HIBCH: variants seen among roughly 807,000 people sequenced by gnomAD.
HIBCH encodes 3-hydroxyisobutyryl-CoA hydrolase.
Under a neutral mutation model 58.2 loss-of-function variants are expected in HIBCH, and 50 were observed. That is an observed-to-expected ratio of 0.86 (90% CI 0.68 to 1.09). The LOEUF (loss-of-function observed/expected upper bound fraction) is 1.09. Among genes scored for constraint, HIBCH ranks in the 50% least tolerant of loss-of-function variants. The pLI, the probability that HIBCH is intolerant of heterozygous loss-of-function variation, is 0.00. For missense variants in HIBCH, 450 were observed against 449.7 expected (o/e 1.00, Z -0.01); for synonymous variants, 151 against 146.9 (o/e 1.03, Z -0.20).
chr2:190,244,685 C>A (rs1190594914), intron 11 of HIBCH, among the ~76,000 whole-genome samples: 1 of 152,154 alleles, frequency 6.6e-6, no homozygotes, highest in African/African-American at 2.4e-5. Flanking sequence ...TTGCCCTCAA[C>A]GACCAGCAGG....
At chr2:190,218,745 TTGCATGTTGGCTC>T (rs1286567820) in intron 11 of HIBCH, among the ~76,000 whole-genome samples, 1 of 152,218 alleles carries the variant, frequency 6.6e-6, no homozygotes, top group East Asian at 1.9e-4. Flanking sequence ...GAGGAATGCA[TTGCATGTTGGCTC>T]TATACCAGGA....
At chr2:190,261,368 T>C (rs763360131) in intron 6 of HIBCH, 134 bp from the exon 7 acceptor site, 12 of 675,640 alleles carry the variant, frequency 1.8e-5, no homozygotes, top group Non-Finnish European at 2.1e-5. Context: ...CTTCAGGGAA[T>C]AGGTTGTCCC....
At chr2:190,203,883 T>C (rs1482442351), downstream of HIBCH, 3 of 152,142 alleles carry the variant, frequency 2.0e-5, no homozygotes, top group Non-Finnish European at 4.4e-5. Context: ...GAAGTTCACT[T>C]AGTTTCTAAA....
At position 190,284,656 on chromosome 2, in the gene HIBCH, TTGTG is replaced by T. The variant is rs3842557; in HGVS notation, c.438+2926_438+2929del. ...TCTCAACCCATTGACTTCTGTCACA[TTGTG>T]TAACAGAGAAATCTGAAGAAATCTG... is the stretch of plus-strand genomic sequence containing the variant. On this transcript the variant is annotated intron_variant, in intron 6 of 13. Coordinates refer to ENST00000359678, the MANE Select transcript of HIBCH (RefSeq NM_014362.4). 2.0e-3 allele frequency among the ~76,000 whole-genome samples: 312 copies of T among 152,352 alleles called. 4 individuals are homozygous for T. The highest frequency in any genetic ancestry group is 0.019 in the East Asian group (97 of 5,190).
At chr2:190,245,003 T>G (rs1559030898) in intron 10 of HIBCH, 35 bp from the exon 11 acceptor site, 1 of 1,267,890 alleles carries the variant, frequency 7.9e-7, no homozygotes, top group Admixed American at 1.7e-5. Context: ...CACCAATGTG[T>G]AAGTGATTTC....
At chr2:190,290,067 C>T (rs539441998) in intron 5 of HIBCH, among the ~76,000 whole-genome samples, 27 of 152,140 alleles carry the variant, frequency 1.8e-4, no homozygotes, top group African/African-American at 4.6e-4. Flanking sequence ...TTAGTAGAGA[C>T]GGGGTTTCAG....
At chr2:190,253,568 T>A (rs949070604) in intron 7 of HIBCH, among the ~76,000 whole-genome samples, 1 of 152,084 alleles carries the variant, frequency 6.6e-6, no homozygotes, top group Non-Finnish European at 1.5e-5. Flanking sequence ...TCTCGCACCA[T>A]CCCCTTAATC....
At chr2:190,274,308 T>C (rs1687488454) in intron 6 of HIBCH, among the ~76,000 whole-genome samples, 1 of 152,248 alleles carries the variant, frequency 6.6e-6, no homozygotes, top group South Asian at 2.1e-4. Context: ...TTGAGCACTG[T>C]TCATTCTTTT....
intron 1 of HIBCH, among the ~76,000 whole-genome samples, chr2:190,314,640 G>A (rs1003235688): frequency 3.3e-5 from 5 of 151,618 alleles, no homozygotes; most frequent in Admixed American, 6.6e-5. Context: ...CACCACACCC[G>A]GCTTATTTTT....
Position 190,216,022 on chromosome 2 carries a change from A to G in HIBCH, c.892-2947T>C, listed in dbSNP as rs985427934. 1 of 152,570 alleles carries G rather than the reference A, an allele frequency of 6.6e-6. No individual in the cohort carries two copies. The highest frequency in any genetic ancestry group is 1.5e-5 in the Non-Finnish European group (1 of 68,318). The allele number at this position is 152,570 out of a possible 1,614,324, so 9.5% of individuals were successfully genotyped here. ...ACAGGGGATGACAGAAAGAGAAATA[A>G]AAGAAGAAAATGAGCAAGAGAGAGA... On this transcript the variant is annotated intron_variant, in intron 11 of 13. Coordinates refer to ENST00000359678, the MANE Select transcript of HIBCH (RefSeq NM_014362.4). The surrounding 1 kb of genome is among the most constrained non-coding windows in gnomAD (Gnocchi z 4.2).
chr2:190,245,097 A>T (rs1275226763), intron 10 of HIBCH, 129 bp from the exon 11 acceptor site: 7 of 695,670 alleles, frequency 1.0e-5, no homozygotes, highest in Non-Finnish European at 1.8e-5. Context: ...CCTCTTTAAC[A>T]GGACGTGAAA....
At chr2:190,311,041 A>G (rs1688541796) in intron 1 of HIBCH, 3 of 660,144 alleles carry the variant, frequency 4.5e-6, no homozygotes, top group Non-Finnish European at 5.6e-6. Flanking sequence ...ATGTTCTTCA[A>G]TGGTTGGAAG....
chr2:190,202,442 A>T (rs1203089190), downstream of HIBCH: 1 of 167,056 alleles, frequency 6.0e-6, no homozygotes, highest in Non-Finnish European at 1.5e-5. Context: ...CAAATGAAAA[A>T]AGATGAATAA....
At chr2:190,227,936 C>T (rs566919199) in intron 11 of HIBCH, among the ~76,000 whole-genome samples, 31 of 152,280 alleles carry the variant, frequency 2.0e-4, no homozygotes, top group Admixed American at 3.9e-4. Flanking sequence ...AACAGGAACA[C>T]TTTTACATTG....
At chr2:190,233,433 T>C (rs548608748) in intron 11 of HIBCH, among the ~76,000 whole-genome samples, 1 of 152,282 alleles carries the variant, frequency 6.6e-6, no homozygotes, top group African/African-American at 2.4e-5. Flanking sequence ...AGTGAATAAG[T>C]CTCACAAGAT....
chr2:190,312,722 A>G (rs1252365225), intron 1 of HIBCH, among the ~76,000 whole-genome samples: 1 of 152,256 alleles, frequency 6.6e-6, no homozygotes, highest in Non-Finnish European at 1.5e-5. Flanking sequence ...TATAATTCAC[A>G]TTCCTGAACT....
intron 1 of HIBCH, among the ~76,000 whole-genome samples, chr2:190,190,600 G>A (rs1051775203): frequency 6.6e-6 from 1 of 152,132 alleles, no homozygotes; most frequent in African/African-American, 2.4e-5. Context: ...CAGGGTAAGT[G>A]TGTGGTTAAC....
At chr2:190,248,074 G>A (rs567774368) in intron 9 of HIBCH, among the ~76,000 whole-genome samples, 83 of 151,904 alleles carry the variant, frequency 5.5e-4, no homozygotes, top group African/African-American at 1.9e-3. Flanking sequence ...TGTTTAAGAG[G>A]TAAAATATTT....
At position 190,206,200 on chromosome 2, in the gene HIBCH, A is replaced by G. The variant is rs1049698622; in HGVS notation, c.1046-968T>C. On this transcript the variant is annotated intron_variant, in intron 13 of 13. Coordinates refer to ENST00000359678, the MANE Select transcript of HIBCH (RefSeq NM_014362.4). The surrounding 1 kb of genome is among the most constrained non-coding windows in gnomAD (Gnocchi z 5.1). Reference sequence around the variant, plus strand: ...TTGGTAGGTGGAGGGAAGCTTTTACATACAATTAAATGCAGATACGGGAGG... The same window carrying G: ...TTGGTAGGTGGAGGGAAGCTTTTACGTACAATTAAATGCAGATACGGGAGG... 6.6e-6 allele frequency among the ~76,000 whole-genome samples: 1 copy of G among 152,232 alleles called. No homozygotes were observed. Among genetic ancestry groups the G allele is most frequent in the Non-Finnish European group, 1.5e-5 (1 of 68,032 alleles).
Sources: gnomAD v4.1 joint callset for allele counts (sites outside exome capture counted in the v4.1 genomes callset) on GRCh38, gnomAD v4.1.1 for gene constraint, Gnocchi (gnomAD v3.1) non-coding constraint, MANE v1.5 for transcripts, NCBI Gene and HGNC (gene_info 2026-07-23, HGNC 2026-07-21) for gene names.